WNT9A: variants seen among roughly 807,000 people sequenced by gnomAD.
WNT9A encodes the protein Wnt family member 9A.
A neutral mutation model predicts 31.4 loss-of-function variants in WNT9A; 8 were observed. That is an observed-to-expected ratio of 0.26 (90% CI 0.15 to 0.46). The LOEUF (loss-of-function observed/expected upper bound fraction) is 0.46, where lower values mean the gene tolerates loss of function less well. Ranked by LOEUF, WNT9A falls within the 20% of genes least tolerant of loss-of-function variation. WNT9A has a pLI of 0.99. For missense variants in WNT9A, 457 were observed against 522.9 expected (o/e 0.87, Z 1.23); for synonymous variants, 236 against 220.1 (o/e 1.07, Z -0.64).
chr1:227,936,772 C>T lies in WNT9A; in HGVS notation c.95+11021G>A, dbSNP rs867618657. Among the ~76,000 whole-genome samples, 15 of 152,254 alleles carry T rather than the reference C, an allele frequency of 9.9e-5. 1 individual carries two copies. Among genetic ancestry groups the T allele is most frequent in the Middle Eastern group, 3.4e-3 (1 of 294 alleles). ...TCCCAAAGTGCTGGGATCACAGGCA[C>T]GAGGCACTGTGCCCAGCATGCTGTG... On this transcript the variant is annotated intron_variant, in intron 1 of 3. Transcript: ENST00000272164.
At chr1:227,937,246 G>A (rs1666610934) in intron 1 of WNT9A, among the ~76,000 whole-genome samples, 1 of 152,220 alleles carries the variant, frequency 6.6e-6, no homozygotes, top group Admixed American at 6.5e-5. Context: ...GAGAGCCGCT[G>A]CACTCAGCAC....
At chr1:227,932,627 A>G (rs555201672) in intron 1 of WNT9A, among the ~76,000 whole-genome samples, 73 of 152,350 alleles carry the variant, frequency 4.8e-4, no homozygotes, top group African/African-American at 1.6e-3. Flanking sequence ...CTGTAGCCTT[A>G]TGAAATGTCT....
At chr1:227,929,762 A>G (rs1227100034) in intron 1 of WNT9A, among the ~76,000 whole-genome samples, 1 of 152,218 alleles carries the variant, frequency 6.6e-6, no homozygotes, top group African/African-American at 2.4e-5. Context: ...TGAGCTTGGG[A>G]GGTCAAGGCT....
chr1:227,935,681 CCTTT>C (rs1403416532), intron 1 of WNT9A, among the ~76,000 whole-genome samples: 1 of 152,254 alleles, frequency 6.6e-6, no homozygotes, highest in African/African-American at 2.4e-5. Context: ...CTTGTCTCAT[CCTTT>C]CTGTTGACCA....
At chr1:227,939,475 C>T (rs1666655872) in intron 1 of WNT9A, among the ~76,000 whole-genome samples, 2 of 152,292 alleles carry the variant, frequency 1.3e-5, no homozygotes, top group South Asian at 2.1e-4. Flanking sequence ...CTCAAGACAC[C>T]TTGCCCTGAG....
chr1:227,922,730 G>A (rs936625526), intron 3 of WNT9A, among the ~76,000 whole-genome samples: 7 of 152,206 alleles, frequency 4.6e-5, no homozygotes, highest in Non-Finnish European at 1.0e-4. Flanking sequence ...ACAGAAGCCT[G>A]GCTGGGCCTG....
At chr1:227,944,070 A>C (rs1666757829) in intron 1 of WNT9A, among the ~76,000 whole-genome samples, 1 of 152,048 alleles carries the variant, frequency 6.6e-6, no homozygotes, top group African/African-American at 2.4e-5. Flanking sequence ...CACACACACA[A>C]AACCTCACAT....
chr1:227,926,459 A>T lies in WNT9A; in HGVS notation c.96-940T>A, dbSNP rs1324703015. 6.6e-6 allele frequency among the ~76,000 whole-genome samples: 1 copy of T among 151,962 alleles called. No homozygotes were observed. The highest frequency in any genetic ancestry group is 1.5e-5 in the Non-Finnish European group (1 of 67,964). Reference sequence around the variant, plus strand: ...GCCCAGCCCAGCCCATATCGAGTCAAGAGCCCTCAACCCCAAACCCTGACC... The same window carrying T: ...GCCCAGCCCAGCCCATATCGAGTCATGAGCCCTCAACCCCAAACCCTGACC... On this transcript the variant is annotated intron_variant, in intron 1 of 3. Transcript: ENST00000272164. This position sits in a 1 kb window ranked among gnomAD's most constrained non-coding sequence, Gnocchi z 5.0.
intron 1 of WNT9A, chr1:227,941,453 G>A (rs1291875595): frequency 6.5e-6 from 1 of 153,198 alleles, no homozygotes; most frequent in African/African-American, 2.4e-5. Context: ...TGACCCCAGA[G>A]TTGAGCAACC....
At chr1:227,947,510 G>A (rs1449034062) in intron 1 of WNT9A, among the ~76,000 whole-genome samples, 2 of 152,060 alleles carry the variant, frequency 1.3e-5, no homozygotes, top group African/African-American at 2.4e-5. Context: ...CAGTCCCTAA[G>A]CGCGAGGCAG....
intron 1 of WNT9A, among the ~76,000 whole-genome samples, chr1:227,945,727 C>T (rs977132199): frequency 4.6e-5 from 7 of 152,060 alleles, no homozygotes; most frequent in Non-Finnish European, 8.8e-5. Flanking sequence ...ATGCCCTGGG[C>T]CACCCCCTGC....
rs949912034 is a variant in WNT9A at position 227,919,532 on chromosome 1, A to T, written c.*1986T>A. On this transcript the variant is annotated 3_prime_UTR_variant, in exon 4 of 4. Coordinates refer to ENST00000272164, the MANE Select transcript of WNT9A (RefSeq NM_003395.4). ...AGGGCTCTGAGACACCTATTCACTC[A>T]GTAGTTCCTGTATCCATACCAGCAA... 6.6e-6 allele frequency: 1 copy of T among 152,114 alleles called. No individual in the cohort carries two copies. Among genetic ancestry groups the T allele is most frequent in the Non-Finnish European group, 1.5e-5 (1 of 68,038 alleles). The allele number at this position is 152,114 out of a possible 1,614,324, so 9.4% of individuals were successfully genotyped here.
intron 1 of WNT9A, among the ~76,000 whole-genome samples, chr1:227,932,495 CT>C (rs1666529905): frequency 6.6e-6 from 1 of 152,176 alleles, no homozygotes. Context: ...GTTCATGTTG[CT>C]GTTTTGACCT....
At position 227,926,817 on chromosome 1, in the gene WNT9A, G is replaced by T. The variant is rs930483335; in HGVS notation, c.96-1298C>A. On this transcript the variant is annotated intron_variant, in intron 1 of 3. Coordinates refer to ENST00000272164, the MANE Select transcript of WNT9A (RefSeq NM_003395.4). The surrounding 1 kb of genome is among the most constrained non-coding windows in gnomAD (Gnocchi z 5.0). ...CCCTCACATGGCCCTGCTAGACCCTGCCACCCACCCCGAGGGAGTAGCTCC... is the reference window on the plus strand; with the variant it reads ...CCCTCACATGGCCCTGCTAGACCCTTCCACCCACCCCGAGGGAGTAGCTCC... 6.6e-5 allele frequency among the ~76,000 whole-genome samples: 10 copies of T among 152,130 alleles called. No homozygotes were observed. Among genetic ancestry groups the T allele is most frequent in the African/African-American group, 2.4e-4 (10 of 41,542 alleles).
intron 1 of WNT9A, among the ~76,000 whole-genome samples, chr1:227,945,208 G>A (rs978264630): frequency 5.9e-5 from 9 of 152,204 alleles, no homozygotes; most frequent in African/African-American, 1.9e-4. Context: ...TTGGGGAGAG[G>A]GTCTGAGTCT....
intron 2 of WNT9A, 146 bp from the exon 3 acceptor site, chr1:227,924,546 G>C (rs1572124688): frequency 7.9e-7 from 1 of 1,272,196 alleles, no homozygotes; most frequent in Non-Finnish European, 1.1e-6. Context: ...CAGGGTGTGG[G>C]TGTGCCCTGG....
Position 227,925,649 on chromosome 1 carries a change from G to T in WNT9A, c.96-130C>A. Reference sequence around the variant, plus strand: ...GGGTGAGGGGGCAGAAAGAATCCAGGATGAGCCAGGCAGGGGAGAGGGAGG... The same window carrying T: ...GGGTGAGGGGGCAGAAAGAATCCAGTATGAGCCAGGCAGGGGAGAGGGAGG... On this transcript the variant is annotated intron_variant, in intron 1 of 3. Transcript: ENST00000272164. This position sits in a 1 kb window ranked among gnomAD's most constrained non-coding sequence, Gnocchi z 6.0. The T allele has an allele frequency of 7.3e-7, 1 of 1,365,734 alleles. No homozygotes were observed. Among genetic ancestry groups the T allele is most frequent in the East Asian group, 2.6e-5 (1 of 38,390 alleles). The allele number at this position is 1,365,734 out of a possible 1,614,324, so 84.6% of individuals were successfully genotyped here. A position where few individuals can be genotyped will look rare whatever the true frequency, so the allele number is the denominator to read the frequency against.
At chr1:227,937,428 C>T (rs775092415) in intron 1 of WNT9A, among the ~76,000 whole-genome samples, 1 of 152,246 alleles carries the variant, frequency 6.6e-6, no homozygotes, top group Non-Finnish European at 1.5e-5. Flanking sequence ...TGTCCCCCAC[C>T]AAATGCGTCT....
chr1:227,938,025 G>A (rs1666624534), intron 1 of WNT9A, among the ~76,000 whole-genome samples: 1 of 152,158 alleles, frequency 6.6e-6, no homozygotes. Flanking sequence ...GACTGTGGGA[G>A]GGCCTCCTCT....
Sources: allele counts gnomAD v4.1 joint callset (sites outside exome capture counted in the v4.1 genomes callset), GRCh38; gene constraint gnomAD v4.1.1; non-coding constraint Gnocchi (gnomAD v3.1); transcripts MANE v1.5; gene names NCBI Gene and HGNC (gene_info 2026-07-23, HGNC 2026-07-21).